Variants in TPBG observed in about 807,000 individuals in gnomAD.
TPBG encodes 5T4 oncofetal antigen.
A neutral mutation model predicts 19.3 loss-of-function variants in TPBG; 13 were observed. That is an observed-to-expected ratio of 0.67 (90% CI 0.44 to 1.07). The LOEUF (loss-of-function observed/expected upper bound fraction) is 1.07. Ranked by LOEUF, TPBG falls within the 50% of genes least tolerant of loss-of-function variation. TPBG has a pLI of 0.00. For missense variants in TPBG, 642 were observed against 559.6 expected (o/e 1.15, Z -1.49); for synonymous variants, 338 against 259.8 (o/e 1.30, Z -2.89).
intron 1 of TPBG, 127 bp downstream of exon 1, chr6:82,364,035 T>TAAA (rs1767397510): frequency 6.6e-6 from 1 of 152,344 alleles, no homozygotes; most frequent in Non-Finnish European, 1.5e-5. Context: ...TGCTGCTTTG[T>TAAA]TCCCAGACTC....
rs954979715 is a variant in TPBG, at chr6:82,363,838, A to T, written c.-410A>T. 1 of 152,296 alleles carries T rather than the reference A, an allele frequency of 6.6e-6. No homozygotes were observed. Among genetic ancestry groups the T allele is most frequent in the Non-Finnish European group, 1.5e-5 (1 of 68,270 alleles). 9.4% of individuals were successfully genotyped at this position (152,296 alleles called of 1,614,324 possible). A position where few individuals can be genotyped will look rare whatever the true frequency, so the allele number is the denominator to read the frequency against. ...GGGTGCGAAGAGAGTCGGCGCCCGC[A>T]ACGCGGAGCCGGGAAGTCGTCGCTA... is the stretch of plus-strand genomic sequence containing the variant. On this transcript the variant is annotated 5_prime_UTR_variant, in exon 1 of 2. Transcript: ENST00000369750.
Position 82,366,344 on chromosome 6 carries a change from C to A in TPBG, c.*120C>A. The A allele has an allele frequency of 8.5e-7, 1 of 1,181,274 alleles. No homozygotes were observed. The highest frequency in any genetic ancestry group is 1.2e-6 in the Non-Finnish European group (1 of 862,718). 73.2% of individuals were successfully genotyped at this position (1,181,274 alleles called of 1,614,324 possible). On this transcript the variant is annotated 3_prime_UTR_variant, in exon 2 of 2. Transcript: ENST00000369750. ...AGATACAACGGACTTTGACTAAAAG[C>A]AGTGAAGGGGATTTGCTTCCTTGTT...
Position 82,365,361 on chromosome 6 carries a change from C to G in TPBG, c.400C>G (p.Arg134Gly), listed in dbSNP as rs1582038374. 6.3e-7 allele frequency: 1 copy of G among 1,582,832 alleles called. No individual in the cohort carries two copies. The highest frequency in any genetic ancestry group is 1.8e-5 in the Admixed American group (1 of 55,012). Reference sequence around the variant, plus strand: ...CAGCGGCAGCCGCCTGGACGAGGTGCGCGCGGGCGCCTTCGAGCATCTGCC... The same window carrying G: ...CAGCGGCAGCCGCCTGGACGAGGTGGGCGCGGGCGCCTTCGAGCATCTGCC... ...NLSGSRLDEV[R>G]AGAFEHLPSL... Residue 134 changes from arginine (R) to glycine (G), a missense_variant, in exon 2 of 2, where the codon CGC becomes GGC. By Grantham distance (125) the Arg-to-Gly change is moderately radical. Coordinates refer to ENST00000369750, the MANE Select transcript of TPBG (RefSeq NM_001376922.1).
At chr6:82,363,304 A>G (rs911990969), upstream of TPBG, 3 of 151,988 alleles carry the variant, frequency 2.0e-5, no homozygotes, top group African/African-American at 7.3e-5. Context: ...GGAAGGCATT[A>G]ATTACACCTA....
chr6:82,366,544 G>A lies in TPBG; in HGVS notation c.*320G>A, dbSNP rs1767510008. The stretch of plus-strand genomic sequence containing the variant: ...CTCTCTCAGTACAGTTCAAGGTGTA[G>A]CAAGTGTACCCACACAGATAGCATT... On this transcript the variant is annotated 3_prime_UTR_variant, in exon 2 of 2. Transcript: ENST00000369750. 4.2e-6 allele frequency: 1 copy of A among 236,144 alleles called. No individual in the cohort carries two copies. The highest frequency in any genetic ancestry group is 2.3e-5 in the African/African-American group (1 of 44,020). 14.6% of individuals were successfully genotyped at this position (236,144 alleles called of 1,614,324 possible). A position where few individuals can be genotyped will look rare whatever the true frequency, so the allele number is the denominator to read the frequency against.
chr6:82,365,269 T>A lies in TPBG; in HGVS notation c.308T>A (p.Leu103Gln). 6.3e-7 allele frequency: 1 copy of A among 1,577,596 alleles called. No homozygotes were observed. Among genetic ancestry groups the A allele is most frequent in the Non-Finnish European group, 8.5e-7 (1 of 1,170,368 alleles). ...AACCTCTTCCTTACCGGCAACCAGC[T>A]GGCCGTGCTCCCTGCCGGCGCCTTC... ...VRNLFLTGNQLAVLPAGAFAR... is the reference protein window; with the variant it reads ...VRNLFLTGNQQAVLPAGAFAR... The change falls in exon 2 of 2, where the codon CTG (leucine) becomes CAG (glutamine). Residue 103 changes from leucine (L) to glutamine (Q), a missense_variant. By Grantham distance (113) the Leu-to-Gln change is moderately radical. Transcript: ENST00000369750.
Position 82,366,384 on chromosome 6 carries a change from G to A in TPBG, c.*160G>A. 3 of 823,516 alleles carry A rather than the reference G, an allele frequency of 3.6e-6. No individual in the cohort carries two copies. Among genetic ancestry groups the A allele is most frequent in the Non-Finnish European group, 5.5e-6 (3 of 541,022 alleles). 51.0% of individuals were successfully genotyped at this position (823,516 alleles called of 1,614,324 possible). A position where few individuals can be genotyped will look rare whatever the true frequency, so the allele number is the denominator to read the frequency against. On this transcript the variant is annotated 3_prime_UTR_variant, in exon 2 of 2. Transcript: ENST00000369750. Reference sequence around the variant, plus strand: ...GCTTCCTTGTTATGTAAAGTTTCTCGGTGTGTTCTGTTAATGTAAGACGAT... The same window carrying A: ...GCTTCCTTGTTATGTAAAGTTTCTCAGTGTGTTCTGTTAATGTAAGACGAT...
In TPBG at chr6:82,364,660, G is replaced by A. The variant is rs1767420519; in HGVS notation, c.-302G>A. The A allele has an allele frequency of 5.4e-6, 2 of 373,632 alleles. No homozygotes were observed. Among genetic ancestry groups the A allele is most frequent in the African/African-American group, 2.1e-5 (1 of 47,164 alleles). 23.1% of individuals were successfully genotyped at this position (373,632 alleles called of 1,614,324 possible). Reference sequence around the variant, plus strand: ...ATCCAGCGAGGGGCGCCAACAAGAGGCGAAGAGGTGGCACCAGGGCGGCGG... The same window carrying A: ...ATCCAGCGAGGGGCGCCAACAAGAGACGAAGAGGTGGCACCAGGGCGGCGG... On this transcript the variant is annotated 5_prime_UTR_variant, in exon 2 of 2. Coordinates refer to ENST00000369750, the MANE Select transcript of TPBG (RefSeq NM_001376922.1).
upstream of TPBG, chr6:82,363,600 G>GGATT (rs1185228574): frequency 1.3e-5 from 2 of 152,614 alleles, no homozygotes; most frequent in African/African-American, 2.4e-5. Context: ...GGAGAGAAAG[G>GGATT]GATTCCCTCA....
rs998489093 is a variant in TPBG at position 82,366,633 on chromosome 6, C to T, written c.*409C>T. The T allele has an allele frequency of 1.2e-5, 2 of 172,670 alleles. No homozygotes were observed. The highest frequency in any genetic ancestry group is 4.8e-5 in the African/African-American group (2 of 41,540). The allele number at this position is 172,670 out of a possible 1,614,324, so 10.7% of individuals were successfully genotyped here. A position where few individuals can be genotyped will look rare whatever the true frequency, so the allele number is the denominator to read the frequency against. ...TATTCATAAATATCAGTTTTATTCT[C>T]ATGTACCTAAGTTGTGGAGAAAATA... On this transcript the variant is annotated 3_prime_UTR_variant, in exon 2 of 2. Coordinates refer to ENST00000369750, the MANE Select transcript of TPBG (RefSeq NM_001376922.1).
At position 82,365,340 on chromosome 6, in the gene TPBG, G is replaced by T; in HGVS notation, c.379G>T (p.Gly127Cys). Residue 127 changes from glycine to cysteine, a missense_variant, in exon 2 of 2, where the codon GGC (glycine) becomes TGC (cysteine). Transcript: ENST00000369750. ...GGAGCTGGCCGCGCTCAACCTCAGCGGCAGCCGCCTGGACGAGGTGCGCGC... is the reference window on the plus strand; with the variant it reads ...GGAGCTGGCCGCGCTCAACCTCAGCTGCAGCCGCCTGGACGAGGTGCGCGC... ...LAELAALNLS[G>C]SRLDEVRAGA... 6.3e-7 allele frequency: 1 copy of T among 1,578,180 alleles called. No homozygotes were observed. The highest frequency in any genetic ancestry group is 8.5e-7 in the Non-Finnish European group (1 of 1,169,940).
rs1030034723 is a variant in TPBG, at chr6:82,364,750, G to A, written c.-212G>A. 4 of 463,066 alleles carry A rather than the reference G, an allele frequency of 8.6e-6. No homozygotes were observed. Among genetic ancestry groups the A allele is most frequent in the Non-Finnish European group, 1.5e-5 (4 of 268,636 alleles). The allele number at this position is 463,066 out of a possible 1,614,324, so 28.7% of individuals were successfully genotyped here. A position where few individuals can be genotyped will look rare whatever the true frequency, so the allele number is the denominator to read the frequency against. Reference sequence around the variant, plus strand: ...CCCGACCCGCCGTGCGTACTTTCTGGAGGGAAGGGGCGGGGGAATCGGCCC... The same window carrying A: ...CCCGACCCGCCGTGCGTACTTTCTGAAGGGAAGGGGCGGGGGAATCGGCCC... On this transcript the variant is annotated 5_prime_UTR_variant, in exon 2 of 2. Transcript: ENST00000369750.
Position 82,367,405 on chromosome 6 carries a change from A to T in TPBG, c.*1181A>T, listed in dbSNP as rs1387945437. 1 of 166,998 alleles carries T rather than the reference A, an allele frequency of 6.0e-6. No individual in the cohort carries two copies. The highest frequency in any genetic ancestry group is 2.4e-5 in the African/African-American group (1 of 41,470). 10.3% of individuals were successfully genotyped at this position (166,998 alleles called of 1,614,324 possible). Reference sequence around the variant, plus strand: ...CAATATTCTGAAATAAAAGATATAAAATATAATTTAAAAAATATTTCTCAA... The same window carrying T: ...CAATATTCTGAAATAAAAGATATAATATATAATTTAAAAAATATTTCTCAA... On this transcript the variant is annotated 3_prime_UTR_variant, in exon 2 of 2. Transcript: ENST00000369750.
Position 82,366,731 on chromosome 6 carries a change from G to C in TPBG, c.*507G>C, listed in dbSNP as rs1055195680. The C allele has an allele frequency of 6.0e-6, 1 of 167,278 alleles. No homozygotes were observed. Among genetic ancestry groups the C allele is most frequent in the Admixed American group, 6.5e-5 (1 of 15,296 alleles). The allele number at this position is 167,278 out of a possible 1,614,324, so 10.4% of individuals were successfully genotyped here. On this transcript the variant is annotated 3_prime_UTR_variant, in exon 2 of 2. Transcript: ENST00000369750. ...AACTCCATGGTGCACAGGAGCACCT[G>C]CATCCAAGAGCATGCTTACATTTTA...
Position 82,365,119 on chromosome 6 carries a change from C to G in TPBG, c.158C>G (p.Ser53Cys), listed in dbSNP as rs895698606. 2.5e-6 allele frequency: 4 copies of G among 1,594,894 alleles called. No individual in the cohort carries two copies. The Admixed American group carries it at 6.9e-5, about 28-fold the overall frequency. The change falls in exon 2 of 2, where the codon TCC becomes TGC. Residue 53 changes from serine (S) to cysteine (C), a missense_variant. Physicochemically the swap from Ser to Cys is moderately radical, Grantham distance 112. Transcript: ENST00000369750. ...SSAPFLASAV[S>C]AQPPLPDQCP... The stretch of plus-strand genomic sequence containing the variant: ...GCGCCGTTCCTGGCTTCCGCCGTGT[C>G]CGCCCAGCCCCCGCTGCCGGACCAG...
chr6:82,365,320 T>G lies in TPBG; in HGVS notation c.359T>G (p.Leu120Arg), dbSNP rs753135755. ...AFARRPPLAELAALNLSGSRL... is the reference protein window; with the variant it reads ...AFARRPPLAERAALNLSGSRL... ...GCCCGCCGGCCGCCGCTGGCGGAGC[T>G]GGCCGCGCTCAACCTCAGCGGCAGC... The change falls in exon 2 of 2, where the codon CTG becomes CGG. Residue 120 changes from leucine (L) to arginine (R), a missense_variant. Coordinates refer to ENST00000369750, the MANE Select transcript of TPBG (RefSeq NM_001376922.1). 6.4e-7 allele frequency: 1 copy of G among 1,572,582 alleles called. No homozygotes were observed. The highest frequency in any genetic ancestry group is 1.2e-5 in the South Asian group (1 of 86,542).
rs1767432683 is a variant in TPBG, at chr6:82,364,892, C to T, written c.-70C>T. The T allele has an allele frequency of 3.9e-6, 5 of 1,293,396 alleles. No homozygotes were observed. Among genetic ancestry groups the T allele is most frequent in the Non-Finnish European group, 5.0e-6 (5 of 996,900 alleles). The allele number at this position is 1,293,396 out of a possible 1,614,324, so 80.1% of individuals were successfully genotyped here. A position where few individuals can be genotyped will look rare whatever the true frequency, so the allele number is the denominator to read the frequency against. On this transcript the variant is annotated 5_prime_UTR_variant, in exon 2 of 2. Transcript: ENST00000369750. ...AGACGCTTCCGCCGGCTCGCGCCCTCCGGGCCCAGCCTCCCGAGCCTTCGG... is the reference window on the plus strand; with the variant it reads ...AGACGCTTCCGCCGGCTCGCGCCCTTCGGGCCCAGCCTCCCGAGCCTTCGG...
At position 82,364,826 on chromosome 6, in the gene TPBG, G is replaced by C; in HGVS notation, c.-136G>C. ...GGGTTAGCCAAGTTCCGGCTGCGGC[G>C]CCACTCCCTCGGTTCCACGAGAGGA... is the stretch of plus-strand genomic sequence containing the variant. On this transcript the variant is annotated 5_prime_UTR_variant, in exon 2 of 2. Transcript: ENST00000369750. The C allele has an allele frequency of 2.7e-6, 2 of 735,896 alleles. No homozygotes were observed. The highest frequency in any genetic ancestry group is 4.0e-6 in the Non-Finnish European group (2 of 504,060). 45.6% of individuals were successfully genotyped at this position (735,896 alleles called of 1,614,324 possible). A position where few individuals can be genotyped will look rare whatever the true frequency, so the allele number is the denominator to read the frequency against.
At position 82,366,299 on chromosome 6, in the gene TPBG, C is replaced by G; in HGVS notation, c.*75C>G. 2.0e-6 allele frequency: 3 copies of G among 1,467,852 alleles called. No homozygotes were observed. Among genetic ancestry groups the G allele is most frequent in the Admixed American group, 2.3e-5 (1 of 42,864 alleles). The allele number at this position is 1,467,852 out of a possible 1,614,324, so 90.9% of individuals were successfully genotyped here. A position where few individuals can be genotyped will look rare whatever the true frequency, so the allele number is the denominator to read the frequency against. ...AAGCTTTATCCCTACTAGGCTTGCT[C>G]CACTTTCATCCTCCACTATAGATAC... On this transcript the variant is annotated 3_prime_UTR_variant, in exon 2 of 2. Coordinates refer to ENST00000369750, the MANE Select transcript of TPBG (RefSeq NM_001376922.1).
Sources: allele counts gnomAD v4.1 joint callset, GRCh38; gene constraint gnomAD v4.1.1; transcripts MANE v1.5; gene names NCBI Gene and HGNC (gene_info 2026-07-23, HGNC 2026-07-21).